The following RASGRF2 variants were observed in gnomAD, a reference collection of about 807,000 sequenced individuals.
RASGRF2 encodes ras-specific guanine nucleotide-releasing factor 2.
RASGRF2 carries 76 observed loss-of-function variants against 151.0 expected under a neutral mutation model. The ratio of observed to expected loss-of-function variants is 0.50; its 90% CI spans 0.42 to 0.61. The LOEUF (loss-of-function observed/expected upper bound fraction) is 0.61, where lower values mean the gene tolerates loss of function less well. Among genes scored for constraint, RASGRF2 ranks in the 20% least tolerant of loss-of-function variants. The pLI, the probability that RASGRF2 is intolerant of heterozygous loss-of-function variation, is 0.00. For missense variants in RASGRF2, 1,148 were observed against 1,564.6 expected (o/e 0.73, Z 4.49); for synonymous variants, 504 against 566.5 (o/e 0.89, Z 1.57).
In RASGRF2 at chr5:81,112,634, C is replaced by T. The variant is rs199608255; in HGVS notation, c.1863C>T (p.Asp621=). ...MIKSDARLHK[D]DTDICFSKTL... ...GGTCTGATGCCCGTCTTCATAAAGA[C>T]GACACTGACATTTGCTTCAGTAAAA... The change falls in exon 14 of 27, where the codon GAC becomes GAT. Residue 621 remains aspartate, a synonymous_variant. Coordinates refer to ENST00000265080, the MANE Select transcript of RASGRF2 (RefSeq NM_006909.3). 1.6e-5 allele frequency: 26 copies of T among 1,614,046 alleles called. No individual in the cohort carries two copies. The highest frequency in any genetic ancestry group is 3.3e-5 in the South Asian group (3 of 91,082).
At chr5:81,182,552 T>C (rs1754939941) in intron 18 of RASGRF2, among the ~76,000 whole-genome samples, 1 of 152,182 alleles carries the variant, frequency 6.6e-6, no homozygotes, top group South Asian at 2.1e-4. Context: ...TTTTACTGAC[T>C]CACTTATGGC....
At chr5:81,157,553 C>T (rs1298502064) in intron 17 of RASGRF2, among the ~76,000 whole-genome samples, 1 of 152,110 alleles carries the variant, frequency 6.6e-6, no homozygotes, top group Non-Finnish European at 1.5e-5. Context: ...TATGAAAATA[C>T]CAATAGCCTT....
intron 1 of RASGRF2, among the ~76,000 whole-genome samples, chr5:81,017,831 C>A (rs887090168): frequency 6.6e-6 from 1 of 151,398 alleles, no homozygotes; most frequent in Non-Finnish European, 1.5e-5. Flanking sequence ...GGTGCAGTGG[C>A]TCACGCCTGT....
intron 18 of RASGRF2, among the ~76,000 whole-genome samples, chr5:81,200,266 G>A (rs1755357081): frequency 7.0e-6 from 1 of 143,604 alleles, no homozygotes; most frequent in African/African-American, 2.6e-5. Flanking sequence ...GAGAGACCCT[G>A]TGATTTAAAA....
At chr5:81,057,074 G>A (rs1364947972) in intron 2 of RASGRF2, among the ~76,000 whole-genome samples, 1 of 152,138 alleles carries the variant, frequency 6.6e-6, no homozygotes, top group Non-Finnish European at 1.5e-5. Context: ...GATGCGTGTT[G>A]ACTCTATCCA....
At chr5:81,047,565 C>T (rs776611018) in intron 2 of RASGRF2, among the ~76,000 whole-genome samples, 111 of 152,250 alleles carry the variant, frequency 7.3e-4, no homozygotes, top group African/African-American at 2.5e-3. Context: ...GCAGGCAGAT[C>T]GTAGGTTTTC....
intron 8 of RASGRF2, 120 bp downstream of exon 8, chr5:81,086,031 C>G (rs1280189961): frequency 6.8e-7 from 1 of 1,463,858 alleles, no homozygotes; most frequent in African/African-American, 1.4e-5. Context: ...TTCTCAGATT[C>G]ACCTGAAAGT....
chr5:81,165,249 T>A (rs531566527), intron 17 of RASGRF2, among the ~76,000 whole-genome samples: 1 of 151,628 alleles, frequency 6.6e-6, no homozygotes, highest in Non-Finnish European at 1.5e-5. Flanking sequence ...AGCAGGGAGG[T>A]TTAGGAACCT....
In RASGRF2 at chr5:81,226,832, C is replaced by T. The variant is rs1026190734; in HGVS notation, c.*1062C>T. The T allele has an allele frequency of 6.6e-6, 1 of 152,216 alleles. No homozygotes were observed. Among genetic ancestry groups the T allele is most frequent in the South Asian group, 2.1e-4 (1 of 4,828 alleles). 9.4% of individuals were successfully genotyped at this position (152,216 alleles called of 1,614,324 possible). On this transcript the variant is annotated 3_prime_UTR_variant, in exon 27 of 27. Transcript: ENST00000265080. ...ACTTCCATATGCTGTTCGTAGATCT[C>T]TTTCTTTAAAAACTGATGTTGAGAG...
rs982056791 is a variant in RASGRF2 at position 81,184,269 on chromosome 5, T to G, written c.2793+3988T>G. 1.1e-4 allele frequency among the ~76,000 whole-genome samples: 16 copies of G among 152,200 alleles called. No homozygotes were observed. The East Asian group carries it at 3.1e-3, about 29-fold the overall frequency. On this transcript the variant is annotated intron_variant, in intron 18 of 26. Coordinates refer to ENST00000265080, the MANE Select transcript of RASGRF2 (RefSeq NM_006909.3). The stretch of plus-strand genomic sequence containing the variant: ...TTGAGCATCTCCTGCTGGGAGGCCT[T>G]ACATATCGTTTACACAATTCCCAGG...
chr5:81,022,921 A>G (rs17409812), intron 1 of RASGRF2, among the ~76,000 whole-genome samples: 19,789 of 152,224 alleles, frequency 0.13, 1,553 homozygotes, highest in South Asian at 0.2. Context: ...AATTCCAGAA[A>G]GAGTCCTAGG....
intron 19 of RASGRF2, among the ~76,000 whole-genome samples, chr5:81,204,953 T>G (rs1422685290): frequency 1.3e-5 from 2 of 152,348 alleles, no homozygotes; most frequent in Middle Eastern, 3.4e-3. Flanking sequence ...TCTTTCCCAC[T>G]GGTACACATA....
intron 19 of RASGRF2, chr5:81,204,005 C>T (rs1309161909): frequency 1.3e-5 from 2 of 152,260 alleles, no homozygotes; most frequent in African/African-American, 4.8e-5. Flanking sequence ...AGGACAGACA[C>T]TGGTTGCTTG....
intron 1 of RASGRF2, among the ~76,000 whole-genome samples, chr5:80,968,955 A>G (rs1214091475): frequency 6.6e-6 from 1 of 150,526 alleles, no homozygotes; most frequent in Admixed American, 6.6e-5. Context: ...AAGTGCTGAG[A>G]TTACCAGCAT....
rs143646669 is a variant in RASGRF2 at position 81,109,070 on chromosome 5, T to C, written c.1830T>C (p.His610=). The C allele has an allele frequency of 1.5e-5, 24 of 1,609,692 alleles. No individual in the cohort carries two copies. The African/African-American group carries it at 2.9e-4, about 20-fold the overall frequency. ...AGAATTCCAAAGTCACTGTGCCACA[T>C]ATGATTAAGTAAGTGTGAGAATCCT... ...FEENSKVTVP[H]MIKSDARLHK... The change falls in exon 13 of 27, where the codon CAT becomes CAC. Residue 610 remains histidine (H), a synonymous_variant. Coordinates refer to ENST00000265080, the MANE Select transcript of RASGRF2 (RefSeq NM_006909.3).
intron 17 of RASGRF2, among the ~76,000 whole-genome samples, chr5:81,145,824 A>C (rs1358264479): frequency 2.0e-5 from 3 of 152,228 alleles, no homozygotes; most frequent in African/African-American, 7.2e-5. Flanking sequence ...TGTCTTAAAC[A>C]AACTGTGAGA....
chr5:81,086,730 G>A, intron 8 of RASGRF2, 105 bp from the exon 9 acceptor site: 2 of 901,404 alleles, frequency 2.2e-6, no homozygotes, highest in Non-Finnish European at 3.5e-6. Context: ...CGGTTCAATC[G>A]ATACAAGCTT....
At chr5:81,119,770 T>C (rs2112559133) in intron 15 of RASGRF2, among the ~76,000 whole-genome samples, 1 of 152,364 alleles carries the variant, frequency 6.6e-6, no homozygotes, top group East Asian at 1.9e-4. Context: ...TATTAGGCTC[T>C]TTCTCATATT....
chr5:81,062,794 A>T (rs540149), intron 2 of RASGRF2, among the ~76,000 whole-genome samples: 24,863 of 152,106 alleles, frequency 0.16, 2,064 homozygotes, highest in Middle Eastern at 0.25. Flanking sequence ...GTTTTCTTGC[A>T]TTCAATGTCA....
Sources: gnomAD v4.1 joint callset for allele counts (sites outside exome capture counted in the v4.1 genomes callset) on GRCh38, gnomAD v4.1.1 for gene constraint, MANE v1.5 for transcripts, NCBI Gene and HGNC (gene_info 2026-07-23, HGNC 2026-07-21) for gene names.